The following CTNNA3 variants were observed in gnomAD, a reference collection of about 807,000 sequenced individuals.
The protein encoded by CTNNA3 is catenin alpha 3, also known as catenin alpha-3.
CTNNA3 carries 76 observed loss-of-function variants against 95.7 expected under a neutral mutation model. The observed-to-expected ratio is 0.79, with a 90% CI of 0.66 to 0.96. The LOEUF is 0.96. Ranked by LOEUF, CTNNA3 falls within the 40% of genes least tolerant of loss-of-function variation. The pLI, the probability that CTNNA3 is intolerant of heterozygous loss-of-function variation, is 0.00. For synonymous variants in CTNNA3, 431 were observed against 374.4 expected (o/e 1.15, Z -1.74); for missense variants, 1,191 against 1,089.8 (o/e 1.09, Z -1.31).
chr10:67,445,708 T>C (rs1846720624), intron 5 of CTNNA3, among the ~76,000 whole-genome samples: 1 of 152,150 alleles, frequency 6.6e-6, no homozygotes, highest in African/African-American at 2.4e-5. Context: ...CAGCCAAAGG[T>C]AGGCTGAGTT....
chr10:66,165,069 G>A (rs2085055307), intron 13 of CTNNA3, among the ~76,000 whole-genome samples: 1 of 152,170 alleles, frequency 6.6e-6, no homozygotes, highest in African/African-American at 2.4e-5. Context: ...TATACACCAT[G>A]GAGTACTATG....
In CTNNA3 at chr10:65,916,093, C is replaced by T. The variant is rs185631135; in HGVS notation, c.*4237G>A. Reference sequence around the variant, plus strand: ...TAAAATGGAAAATACTAATGCTGAACATATCATAATGGTATGGGAAAAGAG... The same window carrying T: ...TAAAATGGAAAATACTAATGCTGAATATATCATAATGGTATGGGAAAAGAG... On this transcript the variant is annotated 3_prime_UTR_variant, in exon 18 of 18. Transcript: ENST00000433211. The T allele has an allele frequency of 1.3e-5, 2 of 151,772 alleles. No homozygotes were observed. Among genetic ancestry groups the T allele is most frequent in the Non-Finnish European group, 2.9e-5 (2 of 67,948 alleles). The allele number at this position is 151,772 out of a possible 1,614,324, so 9.4% of individuals were successfully genotyped here.
intron 7 of CTNNA3, among the ~76,000 whole-genome samples, chr10:66,828,852 T>C (rs1345045956): frequency 6.6e-6 from 1 of 152,166 alleles, no homozygotes; most frequent in African/African-American, 2.4e-5. Context: ...TCAGCCCCCA[T>C]ACAGGTCAGA....
intron 5 of CTNNA3, among the ~76,000 whole-genome samples, chr10:67,464,093 C>G (rs1847483374): frequency 1.3e-5 from 2 of 152,158 alleles, no homozygotes; most frequent in Non-Finnish European, 2.9e-5. Context: ...TAAAACAAAA[C>G]ATTGAAACTC....
chr10:67,620,807 A>G (rs1282387008), intron 2 of CTNNA3, among the ~76,000 whole-genome samples: 1 of 151,940 alleles, frequency 6.6e-6, no homozygotes, highest in Non-Finnish European at 1.5e-5. Flanking sequence ...TTCCTAAAAG[A>G]AAAAACTCAT....
chr10:65,971,044 T>C (rs2078089187), intron 16 of CTNNA3, among the ~76,000 whole-genome samples: 3 of 150,864 alleles, frequency 2.0e-5, no homozygotes, highest in African/African-American at 4.9e-5. Context: ...AATGTGAAAA[T>C]GGACTAATAA....
chr10:66,346,854 T>C (rs879942005), intron 12 of CTNNA3, among the ~76,000 whole-genome samples: 3 of 151,970 alleles, frequency 2.0e-5, no homozygotes, highest in South Asian at 2.1e-4. Context: ...GTGAAAGACA[T>C]TGGGCATCTA....
intron 7 of CTNNA3, among the ~76,000 whole-genome samples, chr10:66,980,803 G>A (rs1467549964): frequency 1.3e-5 from 2 of 152,160 alleles, no homozygotes; most frequent in Admixed American, 6.6e-5. Flanking sequence ...AGATAATCTT[G>A]AATTTTGTAA....
intron 6 of CTNNA3, 126 bp from the exon 7 acceptor site, chr10:67,180,646 C>A (rs1265709738): frequency 5.5e-6 from 4 of 725,488 alleles, no homozygotes. Context: ...GTTTTACTGC[C>A]TCGGCTGGTT....
intron 11 of CTNNA3, among the ~76,000 whole-genome samples, chr10:66,481,349 C>A (rs963190597): frequency 6.0e-5 from 9 of 150,498 alleles, no homozygotes; most frequent in African/African-American, 2.2e-4. Context: ...AATAAATGAA[C>A]AAATTCATTA....
chr10:66,774,887 T>C (rs1490007749), intron 8 of CTNNA3, among the ~76,000 whole-genome samples: 1 of 152,198 alleles, frequency 6.6e-6, no homozygotes, highest in African/African-American at 2.4e-5. Flanking sequence ...ATGTTCCTGA[T>C]GACTTAAGGT....
chr10:67,248,675 C>A (rs1234898809), intron 5 of CTNNA3, among the ~76,000 whole-genome samples: 1 of 152,148 alleles, frequency 6.6e-6, no homozygotes, highest in Non-Finnish European at 1.5e-5. Context: ...GATCTGCCAG[C>A]CTCAGCCTCC....
chr10:67,617,388 G>A (rs1209445432), intron 2 of CTNNA3, among the ~76,000 whole-genome samples: 3 of 152,112 alleles, frequency 2.0e-5, no homozygotes, highest in Admixed American at 2.0e-4. Context: ...GTTTGCTAAA[G>A]ATAATGGCCT....
chr10:66,112,206 A>G (rs2082146787), intron 13 of CTNNA3, among the ~76,000 whole-genome samples: 1 of 152,200 alleles, frequency 6.6e-6, no homozygotes, highest in Admixed American at 6.5e-5. Flanking sequence ...GGGAGAAGGC[A>G]TCTAGTATTA....
intron 5 of CTNNA3, among the ~76,000 whole-genome samples, chr10:67,365,121 G>A (rs778343255): frequency 4.6e-5 from 7 of 152,038 alleles, no homozygotes; most frequent in Non-Finnish European, 1.0e-4. Flanking sequence ...ACAAGAAATG[G>A]GGAAAGGATT....
At chr10:66,136,942 C>G (rs1463595297) in intron 13 of CTNNA3, among the ~76,000 whole-genome samples, 1 of 152,048 alleles carries the variant, frequency 6.6e-6, no homozygotes, top group African/African-American at 2.4e-5. Flanking sequence ...CTGACTCAGC[C>G]TCCTGAGTAC....
intron 1 of CTNNA3, among the ~76,000 whole-genome samples, chr10:67,721,654 T>C (rs1278163425): frequency 6.6e-6 from 1 of 152,166 alleles, no homozygotes; most frequent in Non-Finnish European, 1.5e-5. Context: ...TGAAGCCTAC[T>C]TCTGTCAATT....
intron 5 of CTNNA3, among the ~76,000 whole-genome samples, chr10:67,301,163 A>G (rs770919489): frequency 2.0e-5 from 3 of 152,228 alleles, no homozygotes; most frequent in South Asian, 2.1e-4. Context: ...TGCAGTGGAG[A>G]GCTTCGTTTG....
chr10:67,311,948 C>T (rs376567036), intron 5 of CTNNA3, among the ~76,000 whole-genome samples: 8 of 151,832 alleles, frequency 5.3e-5, no homozygotes, highest in African/African-American at 1.9e-4. Flanking sequence ...TTTTTAGTCA[C>T]ACACACACAC....
Sources: allele counts gnomAD v4.1 joint callset (sites outside exome capture counted in the v4.1 genomes callset), GRCh38; gene constraint gnomAD v4.1.1; transcripts MANE v1.5; gene names NCBI Gene and HGNC (gene_info 2026-07-23, HGNC 2026-07-21).